The following FSTL1 variants were observed in gnomAD, a reference collection of about 807,000 sequenced individuals.
FSTL1 encodes follistatin like 1, also known as follistatin-related protein 1.
FSTL1 carries 24 observed loss-of-function variants against 45.9 expected under a neutral mutation model. That is an observed-to-expected ratio of 0.52 (90% CI 0.38 to 0.74). The LOEUF is 0.74. Ranked by LOEUF, FSTL1 falls within the 30% of genes least tolerant of loss-of-function variation. The probability of loss-of-function intolerance (pLI) is 0.00; values close to 1 mark genes in which losing one functional copy is unlikely to be tolerated. For missense variants in FSTL1, 340 were observed against 381.8 expected, an observed-to-expected ratio of 0.89 and a Z score of 0.91; for synonymous variants, 120 against 137.6, an observed-to-expected ratio of 0.87 and a Z score of 0.89.
chr3:120,402,980 T>C, intron 8 of FSTL1, 62 bp from the exon 9 acceptor site: 3 of 1,079,918 alleles, frequency 2.8e-6, no homozygotes, highest in East Asian at 2.4e-5. Flanking sequence ...GCATCTTTGC[T>C]ACAGTCTGTG....
chr3:120,398,575 TAA>T (rs557447821), intron 10 of FSTL1, among the ~76,000 whole-genome samples: 42 of 152,354 alleles, frequency 2.8e-4, no homozygotes, highest in Admixed American at 1.5e-3. Flanking sequence ...CCAATAGGAT[TAA>T]GAGTCACTTG....
chr3:120,416,257 A>G (rs1340115886), intron 2 of FSTL1, among the ~76,000 whole-genome samples: 1 of 152,098 alleles, frequency 6.6e-6, no homozygotes, highest in African/African-American at 2.4e-5. Context: ...CTGAGTCCCT[A>G]ATATGTTTCT....
In FSTL1 at chr3:120,395,926, T is replaced by C. The variant is rs1390463591; in HGVS notation, c.*1026A>G. 6.3e-6 allele frequency: 2 copies of C among 316,836 alleles called. No individual in the cohort carries two copies. The highest frequency in any genetic ancestry group is 1.2e-5 in the Non-Finnish European group (2 of 163,952). The allele number at this position is 316,836 out of a possible 1,614,324, so 19.6% of individuals were successfully genotyped here. A position where few individuals can be genotyped will look rare whatever the true frequency, so the allele number is the denominator to read the frequency against. The stretch of plus-strand genomic sequence containing the variant: ...TTGTCGCCATCCTTGGGAATACTGA[T>C]TTGCCTCAACTTCTCAGAATAAATA... On this transcript the variant is annotated 3_prime_UTR_variant, in exon 11 of 11. Transcript: ENST00000295633.
At chr3:120,424,377 G>A (rs756105696) in intron 2 of FSTL1, among the ~76,000 whole-genome samples, 9 of 152,192 alleles carry the variant, frequency 5.9e-5, no homozygotes, top group Non-Finnish European at 1.2e-4. Context: ...TAACCTAGTT[G>A]AGCTGATGAA....
chr3:120,450,716 C>G lies in FSTL1; in HGVS notation c.31G>C (p.Ala11Pro). 1 of 1,544,240 alleles carries G rather than the reference C, an allele frequency of 6.5e-7. No individual in the cohort carries two copies. Among genetic ancestry groups the G allele is most frequent in the East Asian group, 2.5e-5 (1 of 39,312 alleles). MWKRWLALAL[A>P]LVAVAWVRAE... The stretch of plus-strand genomic sequence containing the variant: ...CGGACCCAGGCGACCGCCACCAGCG[C>G]GAGCGCGAGCGCGAGCCAGCGTTTC... The change falls in exon 2 of 11, where the codon GCG becomes CCG. Residue 11 changes from alanine (A) to proline (P), a missense_variant. By Grantham distance (27) the Ala-to-Pro change is conservative (BLOSUM62 -1). Transcript: ENST00000295633.
chr3:120,402,686 C>A, intron 9 of FSTL1, 122 bp downstream of exon 9: 2 of 693,516 alleles, frequency 2.9e-6, no homozygotes, highest in African/African-American at 3.5e-5. Flanking sequence ...TGTGGGTCTG[C>A]CTGGGTTCCT....
At chr3:120,444,085 C>T (rs1559745769) in intron 2 of FSTL1, among the ~76,000 whole-genome samples, 1 of 149,822 alleles carries the variant, frequency 6.7e-6, no homozygotes, top group Non-Finnish European at 1.5e-5. Context: ...TTAAGGTGTT[C>T]AGATTCATCC....
chr3:120,410,273 G>A (rs1434718194), intron 5 of FSTL1: 1 of 170,640 alleles, frequency 5.9e-6, no homozygotes, highest in Non-Finnish European at 1.3e-5. Context: ...GGAAGCAGAG[G>A]AGAGAAAGCT....
chr3:120,399,924 C>T lies in FSTL1; in HGVS notation c.841G>A (p.Glu281Lys). Residue 281 changes from glutamate to lysine, a missense_variant, in exon 10 of 11, where the codon GAG (glutamate) becomes AAG (lysine). Transcript: ENST00000295633. Reference protein sequence around the residue: ...NQKGAQTQTEEEMTRYVQELQ... With the variant: ...NQKGAQTQTEKEMTRYVQELQ... ...TCCTGGACATATCTGGTCATCTCCT[C>T]CTCTGTCTGGGTCTGGGCCCCCTTC... The T allele has an allele frequency of 6.2e-7, 1 of 1,609,782 alleles. No individual in the cohort carries two copies. Among genetic ancestry groups the T allele is most frequent in the Non-Finnish European group, 8.5e-7 (1 of 1,178,020 alleles).
chr3:120,450,401 C>T (rs1147707), intron 2 of FSTL1, among the ~76,000 whole-genome samples: 43,361 of 152,108 alleles, frequency 0.29, 7,600 homozygotes, highest in Non-Finnish European at 0.39. Context: ...CCAGTCGCCG[C>T]CTCGTCCCCG....
At chr3:120,417,192 C>T (rs771589807) in intron 2 of FSTL1, among the ~76,000 whole-genome samples, 1 of 152,186 alleles carries the variant, frequency 6.6e-6, no homozygotes, top group Non-Finnish European at 1.5e-5. Flanking sequence ...ACCCTCCAGG[C>T]CATGTCTACC....
intron 2 of FSTL1, among the ~76,000 whole-genome samples, chr3:120,448,469 T>C (rs894417702): frequency 2.0e-5 from 3 of 152,168 alleles, no homozygotes; most frequent in African/African-American, 7.2e-5. Context: ...ATTAAATGGA[T>C]TAAAAACTTG....
Position 120,403,442 on chromosome 3 carries a change from GGGCC to G in FSTL1, c.582-92_582-89del, listed in dbSNP as rs1936868338. 3.9e-6 allele frequency: 3 copies of G among 776,054 alleles called. No homozygotes were observed. In the African/African-American group the frequency reaches 5.2e-5, roughly 13 times the overall value. 48.1% of individuals were successfully genotyped at this position (776,054 alleles called of 1,614,324 possible). A position where few individuals can be genotyped will look rare whatever the true frequency, so the allele number is the denominator to read the frequency against. Reference sequence around the variant, plus strand: ...TAAGCATCAGGACCACATACACCCAGGGCCTCCACAGGAGGCCAAGAAGATGACT... The same window carrying G: ...TAAGCATCAGGACCACATACACCCAGTCCACAGGAGGCCAAGAAGATGACT... On this transcript the variant is annotated intron_variant, in intron 7 of 10. Coordinates refer to ENST00000295633, the MANE Select transcript of FSTL1 (RefSeq NM_007085.5).
chr3:120,404,399 TA>T (rs1936905900), intron 7 of FSTL1, among the ~76,000 whole-genome samples: 1 of 152,218 alleles, frequency 6.6e-6, no homozygotes, highest in South Asian at 2.1e-4. Flanking sequence ...GATTCTGGAA[TA>T]ATGCCATAAA....
chr3:120,408,633 T>G (rs761893674), intron 6 of FSTL1, among the ~76,000 whole-genome samples: 3 of 152,128 alleles, frequency 2.0e-5, no homozygotes, highest in Non-Finnish European at 4.4e-5. Flanking sequence ...GGCATCTACC[T>G]AGTGAAGAGG....
rs546184412 is a variant in FSTL1, at chr3:120,403,506, A to T, written c.582-152T>A. The stretch of plus-strand genomic sequence containing the variant: ...AACAGCCTCTCTCTACACTGACCCA[A>T]CACAACTATTATCCATCCTGACCAA... On this transcript the variant is annotated intron_variant, in intron 7 of 10. Coordinates refer to ENST00000295633, the MANE Select transcript of FSTL1 (RefSeq NM_007085.5). The T allele has an allele frequency of 6.8e-6, 4 of 587,066 alleles. No individual in the cohort carries two copies. The East Asian group carries it at 1.1e-4, about 17-fold the overall frequency. 36.4% of individuals were successfully genotyped at this position (587,066 alleles called of 1,614,324 possible). A position where few individuals can be genotyped will look rare whatever the true frequency, so the allele number is the denominator to read the frequency against.
At chr3:120,412,854 A>G (rs1214687892) in intron 3 of FSTL1, among the ~76,000 whole-genome samples, 3 of 151,556 alleles carry the variant, frequency 2.0e-5, no homozygotes, top group African/African-American at 7.3e-5. Context: ...ACACACACAC[A>G]CACACACACA....
At position 120,410,976 on chromosome 3, in the gene FSTL1, A is replaced by T; in HGVS notation, c.307T>A (p.Ser103Thr). 6.2e-7 allele frequency: 1 copy of T among 1,608,924 alleles called. No individual in the cohort carries two copies. Among genetic ancestry groups the T allele is most frequent in the Non-Finnish European group, 8.5e-7 (1 of 1,176,246 alleles). The part of the protein sequence containing the change: ...DYDGHCKEKK[S>T]VSPSASPVVC... ...CCTGGGCTGGCAGATGGACTTACGG[A>T]TTTCTTCTCTGCAAGACAAAAAGAG... is the stretch of plus-strand genomic sequence containing the variant. Residue 103 changes from serine to threonine, a missense_variant, in exon 5 of 11, where the codon TCC becomes ACC. Physicochemically the swap from Ser to Thr is moderately conservative, Grantham distance 58. Transcript: ENST00000295633.
chr3:120,415,856 G>T, intron 3 of FSTL1, 67 bp downstream of exon 3: 2 of 829,998 alleles, frequency 2.4e-6, no homozygotes, highest in Non-Finnish European at 4.2e-6. Context: ...GCCTGCTGAT[G>T]GGTGGCTCCG....
Sources: allele counts gnomAD v4.1 joint callset (sites outside exome capture counted in the v4.1 genomes callset), GRCh38; gene constraint gnomAD v4.1.1; transcripts MANE v1.5; gene names NCBI Gene and HGNC (gene_info 2026-07-23, HGNC 2026-07-21).